Variants in CHODL observed in about 807,000 individuals in gnomAD.
CHODL encodes the protein transmembrane protein MT75.
In CHODL, 29 loss-of-function variants were observed where a neutral mutation model predicts 34.5. The observed-to-expected ratio is 0.84, with a 90% confidence interval of 0.63 to 1.15. The LOEUF is 1.15. Ranked by LOEUF, CHODL falls within the 50% of genes most tolerant of loss-of-function variation. CHODL has a pLI of 0.00. For synonymous variants in CHODL, 125 were observed against 116.1 expected (o/e 1.08, Z -0.49); for missense variants, 332 against 332.5 (o/e 1.00, Z 0.01).
chr21:18,021,586 A>G (rs1407094723), intron 1 of CHODL, among the ~76,000 whole-genome samples: 1 of 152,230 alleles, frequency 6.6e-6, no homozygotes, highest in Non-Finnish European at 1.5e-5. Context: ...CACTTTGATC[A>G]TCAGCGATAT....
At chr21:18,039,063 T>C (rs2064344232) in intron 2 of CHODL, among the ~76,000 whole-genome samples, 1 of 151,608 alleles carries the variant, frequency 6.6e-6, no homozygotes, top group Non-Finnish European at 1.5e-5. Flanking sequence ...AAACTGAAAT[T>C]TTCATTCCAT....
At chr21:17,929,698 C>T (rs1477541103) in intron 1 of CHODL, among the ~76,000 whole-genome samples, 1 of 152,182 alleles carries the variant, frequency 6.6e-6, no homozygotes, top group Non-Finnish European at 1.5e-5. Context: ...GGCCTCCAGT[C>T]TAACACAGGG....
chr21:18,007,877 A>G (rs2063974925), intron 1 of CHODL, among the ~76,000 whole-genome samples: 1 of 152,180 alleles, frequency 6.6e-6, no homozygotes, highest in Non-Finnish European at 1.5e-5. Flanking sequence ...TTATTGATTC[A>G]GGTAGAATCT....
chr21:18,063,656 G>T (rs928638085), intron 2 of CHODL, among the ~76,000 whole-genome samples: 1 of 152,024 alleles, frequency 6.6e-6, no homozygotes, highest in Non-Finnish European at 1.5e-5. Flanking sequence ...AAAGAATGAT[G>T]AATTAACAAA....
At chr21:17,990,037 G>T (rs158013) in intron 1 of CHODL, among the ~76,000 whole-genome samples, 30,593 of 151,954 alleles carry the variant, frequency 0.2, 4,558 homozygotes, top group African/African-American at 0.42. Context: ...CTGCTGAGAA[G>T]AATAATAATC....
intron 2 of CHODL, among the ~76,000 whole-genome samples, chr21:18,239,324 C>T (rs572576188): frequency 6.6e-6 from 1 of 152,174 alleles, no homozygotes; most frequent in Admixed American, 6.5e-5. Flanking sequence ...CTGCATTATA[C>T]ACATGTATTT....
intron 1 of CHODL, among the ~76,000 whole-genome samples, chr21:17,999,290 G>A (rs2063882399): frequency 6.6e-6 from 1 of 152,122 alleles, no homozygotes; most frequent in South Asian, 2.1e-4. Context: ...CCGCATTTTT[G>A]TCAAAGCCAT....
chr21:18,135,434 A>G (rs1193677917), intron 2 of CHODL, among the ~76,000 whole-genome samples: 2 of 152,080 alleles, frequency 1.3e-5, no homozygotes, highest in East Asian at 3.9e-4. Context: ...AGTTGCTTCG[A>G]TGGAAGCAAT....
At chr21:17,942,991 C>T (rs950721520) in intron 1 of CHODL, among the ~76,000 whole-genome samples, 4 of 152,178 alleles carry the variant, frequency 2.6e-5, no homozygotes, top group Admixed American at 6.5e-5. Context: ...TGCTTGCTTC[C>T]TCTTCACTTT....
chr21:18,169,523 A>C (rs1173989598), intron 2 of CHODL, among the ~76,000 whole-genome samples: 1 of 151,962 alleles, frequency 6.6e-6, no homozygotes, highest in African/African-American at 2.4e-5. Flanking sequence ...TTTTGAAGTC[A>C]GGAAATGTCA....
At chr21:17,919,151 T>C (rs1289187567) in intron 1 of CHODL, among the ~76,000 whole-genome samples, 1 of 152,202 alleles carries the variant, frequency 6.6e-6, no homozygotes, top group Non-Finnish European at 1.5e-5. Flanking sequence ...AAGCTGTCAG[T>C]GGATCTACCA....
At chr21:17,957,577 T>A (rs1346289494) in intron 1 of CHODL, among the ~76,000 whole-genome samples, 2 of 152,182 alleles carry the variant, frequency 1.3e-5, no homozygotes, top group African/African-American at 4.8e-5. Context: ...GTACCTTTTT[T>A]ATATAAGCCT....
intron 1 of CHODL, among the ~76,000 whole-genome samples, chr21:17,977,674 G>C (rs893184846): frequency 6.9e-6 from 1 of 144,664 alleles, no homozygotes; most frequent in Non-Finnish European, 1.5e-5. Flanking sequence ...TTCTTAAAAA[G>C]ATAAATGGCT....
intron 2 of CHODL, among the ~76,000 whole-genome samples, chr21:18,150,802 C>T (rs1420789869): frequency 6.6e-6 from 1 of 152,044 alleles, no homozygotes; most frequent in East Asian, 1.9e-4. Flanking sequence ...AATTCTCTGA[C>T]CTGGCCGGCA....
rs543292440 is a variant in CHODL, at chr21:18,026,857, T to G, written c.-144-1015T>G. Among the ~76,000 whole-genome samples, 3 of 152,322 alleles carry G rather than the reference T, an allele frequency of 2.0e-5. No individual in the cohort carries two copies. The East Asian group carries it at 5.8e-4, about 29-fold the overall frequency. On this transcript the variant is annotated intron_variant, in intron 1 of 6. Coordinates refer to the CHODL transcript ENST00000400127. Reference sequence around the variant, plus strand: ...GTTTGTAGACAAAGGTTAAACACAATCTTTACTTTTTTTTGACATATTTCA... The same window carrying G: ...GTTTGTAGACAAAGGTTAAACACAAGCTTTACTTTTTTTTGACATATTTCA...
At chr21:18,240,902 T>A (rs1280400921), upstream of CHODL, among the ~76,000 whole-genome samples, 5 of 152,182 alleles carry the variant, frequency 3.3e-5, no homozygotes, top group African/African-American at 1.2e-4. Flanking sequence ...AAATTTTAAC[T>A]TCAAGTTATA....
chr21:18,074,766 CTTCAGGCTGAGTCAGAGAAAATTTCTT>C (rs2064845325), intron 2 of CHODL, among the ~76,000 whole-genome samples: 3 of 152,110 alleles, frequency 2.0e-5, no homozygotes, highest in Admixed American at 2.0e-4. Flanking sequence ...ATATGGAAGT[CTTCAGGCTGAGTCAGAGAAAATTTCTT>C]TTCAAAGTTT....
At chr21:18,131,257 C>T (rs1419674373) in intron 2 of CHODL, among the ~76,000 whole-genome samples, 1 of 152,078 alleles carries the variant, frequency 6.6e-6, no homozygotes, top group African/African-American at 2.4e-5. Context: ...TAATTCCTCT[C>T]AATGGCCCCA....
intron 2 of CHODL, among the ~76,000 whole-genome samples, chr21:18,123,328 C>T (rs574994923): frequency 2.0e-5 from 3 of 152,316 alleles, no homozygotes; most frequent in Admixed American, 6.5e-5. Context: ...CCTGTAGATA[C>T]GGTTCCCCAG....
Sources: gnomAD v4.1 joint callset for allele counts (sites outside exome capture counted in the v4.1 genomes callset) on GRCh38, gnomAD v4.1.1 for gene constraint, MANE v1.5 for transcripts, NCBI Gene and HGNC (gene_info 2026-07-23, HGNC 2026-07-21) for gene names.